The following TTC28 variants were observed in gnomAD, a reference collection of about 807,000 sequenced individuals.
TTC28 encodes tetratricopeptide repeat domain 28.
TTC28 carries 61 observed loss-of-function variants against 198.0 expected under a neutral mutation model. That is an observed-to-expected ratio of 0.31 (90% CI 0.25 to 0.38). The LOEUF is 0.38. Ranked by LOEUF, TTC28 falls within the 10% of genes least tolerant of loss-of-function variation. The pLI, the probability that TTC28 is intolerant of heterozygous loss-of-function variation, is 1.00. For synonymous variants in TTC28, 1,171 were observed against 1,297.8 expected, an observed-to-expected ratio of 0.90 and a Z score of 2.10; for missense variants, 2,678 against 3,164.0, an observed-to-expected ratio of 0.85 and a Z score of 3.69.
In TTC28 at chr22:28,645,953, A is replaced by G. The variant is rs1224553344; in HGVS notation, c.103-16123T>C. On this transcript the variant is annotated intron_variant, in intron 1 of 22. Transcript: ENST00000397906. ...TAATAAAAGCATGTATGATAAACTT[A>G]CAGTCAACAACATACTGAACGGGGA... 7.2e-5 allele frequency among the ~76,000 whole-genome samples: 11 copies of G among 152,216 alleles called. No individual in the cohort carries two copies. In the South Asian group the frequency reaches 2.3e-3, roughly 32 times the overall value.
intron 5 of TTC28, among the ~76,000 whole-genome samples, chr22:28,242,852 A>T (rs968712312): frequency 1.1e-4 from 17 of 152,112 alleles, no homozygotes; most frequent in Admixed American, 8.5e-4. Context: ...ACACGTTAAA[A>T]TTAAATTGAC....
intron 5 of TTC28, among the ~76,000 whole-genome samples, chr22:28,232,120 C>T (rs1248881212): frequency 1.3e-5 from 2 of 152,166 alleles, no homozygotes; most frequent in Non-Finnish European, 2.9e-5. Flanking sequence ...TCATCCCACC[C>T]CTGCTGAGAG....
intron 1 of TTC28, among the ~76,000 whole-genome samples, chr22:28,679,233 G>C (rs1471288998): frequency 6.6e-6 from 1 of 152,218 alleles, no homozygotes; most frequent in Non-Finnish European, 1.5e-5. Context: ...CCCGGGCTGC[G>C]CCGACACCTG....
Position 28,375,264 on chromosome 22 carries a change from G to A in TTC28, c.382-68621C>T, listed in dbSNP as rs915787874. Among the ~76,000 whole-genome samples, 8 of 152,198 alleles carry A rather than the reference G, an allele frequency of 5.3e-5. No individual in the cohort carries two copies. The East Asian group carries it at 5.8e-4, about 11-fold the overall frequency. ...CTACCATTTATTATGCCTGAACTAC[G>A]TGACAGGCACTGTGCTGAAGGACTT... is the stretch of plus-strand genomic sequence containing the variant. On this transcript the variant is annotated intron_variant, in intron 2 of 22. Transcript: ENST00000397906.
chr22:28,294,341 G>C lies in TTC28; in HGVS notation c.933+1857C>G, dbSNP rs527635385. Among the ~76,000 whole-genome samples, 17 of 152,172 alleles carry C rather than the reference G, an allele frequency of 1.1e-4. No homozygotes were observed. In the South Asian group the frequency reaches 1.5e-3, roughly 13 times the overall value. The stretch of plus-strand genomic sequence containing the variant: ...TTGTACAGCAGAGGTTATAAAACAT[G>C]ACGTAAATTACACTATTGAGAAGAG... On this transcript the variant is annotated intron_variant, in intron 5 of 22. Transcript: ENST00000397906.
intron 2 of TTC28, among the ~76,000 whole-genome samples, chr22:28,314,908 G>A (rs2045327808): frequency 6.6e-6 from 1 of 152,128 alleles, no homozygotes; most frequent in Admixed American, 6.6e-5. Flanking sequence ...AGTTTGTACA[G>A]ATTGGCTGTG....
chr22:28,070,526 A>T (rs911466155), intron 12 of TTC28, among the ~76,000 whole-genome samples: 5 of 152,194 alleles, frequency 3.3e-5, no homozygotes, highest in African/African-American at 1.2e-4. Context: ...CCACTCCTGT[A>T]ATCTCAGCAC....
At chr22:28,122,285 G>A (rs114097879) in intron 6 of TTC28, among the ~76,000 whole-genome samples, 5,189 of 152,262 alleles carry the variant, frequency 0.034, 138 homozygotes, top group African/African-American at 0.063. Flanking sequence ...GAGAATATAA[G>A]AAAGGCCAAG....
chr22:28,045,008 T>A (rs1218682997), intron 12 of TTC28, among the ~76,000 whole-genome samples: 1 of 152,190 alleles, frequency 6.6e-6, no homozygotes, highest in Non-Finnish European at 1.5e-5. Context: ...ATGACTGTAA[T>A]CGATTGGAAG....
At chr22:28,555,994 T>G (rs566503798) in intron 2 of TTC28, among the ~76,000 whole-genome samples, 2 of 152,072 alleles carry the variant, frequency 1.3e-5, no homozygotes, top group Non-Finnish European at 2.9e-5. Flanking sequence ...TCATTTTCCT[T>G]CGCCATAAAA....
chr22:28,536,270 A>T (rs1378781588), intron 2 of TTC28, among the ~76,000 whole-genome samples: 2 of 151,718 alleles, frequency 1.3e-5, no homozygotes, highest in Non-Finnish European at 2.9e-5. Context: ...AAAAAGATTA[A>T]TAATCTAAGA....
chr22:28,584,898 T>A (rs2050291298), intron 2 of TTC28, among the ~76,000 whole-genome samples: 1 of 152,166 alleles, frequency 6.6e-6, no homozygotes, highest in Non-Finnish European at 1.5e-5. Context: ...GACAATTAGA[T>A]CAATGGTAAA....
intron 2 of TTC28, among the ~76,000 whole-genome samples, chr22:28,377,641 T>C (rs78694316): frequency 0.071 from 10,738 of 152,062 alleles, 545 homozygotes; most frequent in Non-Finnish European, 0.098. Context: ...TGAGGCAAAA[T>C]TAACGTAGAC....
At chr22:28,043,022 GAT>G (rs1037207969) in intron 12 of TTC28, among the ~76,000 whole-genome samples, 1 of 151,940 alleles carries the variant, frequency 6.6e-6, no homozygotes, top group Admixed American at 6.6e-5. Flanking sequence ...AAGGCAGGTG[GAT>G]CACGAGGTCA....
At chr22:28,191,098 A>G (rs536766968) in intron 5 of TTC28, among the ~76,000 whole-genome samples, 1 of 152,274 alleles carries the variant, frequency 6.6e-6, no homozygotes, top group East Asian at 1.9e-4. Flanking sequence ...ACCTCCTGGC[A>G]TATTTCTTGT....
At chr22:28,669,835 T>G in intron 1 of TTC28, among the ~76,000 whole-genome samples, 1 of 152,204 alleles carries the variant, frequency 6.6e-6, no homozygotes, top group African/African-American at 2.4e-5. Flanking sequence ...AAATCTTTAT[T>G]CTACTATTTC....
intron 5 of TTC28, among the ~76,000 whole-genome samples, chr22:28,218,334 C>T (rs1927564861): frequency 6.6e-6 from 1 of 152,066 alleles, no homozygotes; most frequent in South Asian, 2.1e-4. Context: ...AACTCACCAC[C>T]ACTTCATCAA....
chr22:28,171,381 C>A (rs538157537), intron 5 of TTC28, among the ~76,000 whole-genome samples: 127 of 152,234 alleles, frequency 8.3e-4, no homozygotes, highest in African/African-American at 2.9e-3. Context: ...TACACATGGG[C>A]AAGTAATTTT....
intron 12 of TTC28, among the ~76,000 whole-genome samples, chr22:28,037,302 CA>C (rs776873610): frequency 9.8e-4 from 149 of 152,172 alleles, no homozygotes; most frequent in Admixed American, 4.1e-3. Context: ...AGCAACACAT[CA>C]AAAAGCTTAT....
Sources: gnomAD v4.1 joint callset for allele counts (sites outside exome capture counted in the v4.1 genomes callset) on GRCh38, gnomAD v4.1.1 for gene constraint, MANE v1.5 for transcripts, NCBI Gene and HGNC (gene_info 2026-07-23, HGNC 2026-07-21) for gene names.